MAGI1: variants seen among roughly 807,000 people sequenced by gnomAD.
MAGI1 encodes the protein membrane associated guanylate kinase, WW and PDZ domain containing 1.
Under a neutral mutation model 139.9 loss-of-function variants are expected in MAGI1, and 58 were observed. The ratio of observed to expected loss-of-function variants is 0.41; its 90% CI spans 0.34 to 0.52. MAGI1 has a LOEUF of 0.52. Among genes scored for constraint, MAGI1 ranks in the 20% least tolerant of loss-of-function variants. MAGI1 has a pLI of 0.12. For missense variants in MAGI1, 1,874 were observed against 1,901.6 expected (o/e 0.99, Z 0.27); for synonymous variants, 812 against 737.9 (o/e 1.10, Z -1.63).
intron 1 of MAGI1, among the ~76,000 whole-genome samples, chr3:66,013,544 G>A (rs1304044976): frequency 3.3e-5 from 5 of 151,738 alleles, no homozygotes; most frequent in African/African-American, 1.2e-4. Flanking sequence ...GGCGGATCAC[G>A]AGATCAGGAG....
intron 1 of MAGI1, among the ~76,000 whole-genome samples, chr3:65,977,412 T>C (rs1417639519): frequency 1.3e-5 from 2 of 152,066 alleles, no homozygotes; most frequent in East Asian, 1.9e-4. Flanking sequence ...GCCACCCTTA[T>C]AATAAAATCA....
chr3:65,793,398 T>G (rs79915733), intron 1 of MAGI1, among the ~76,000 whole-genome samples: 4,995 of 152,330 alleles, frequency 0.033, 94 homozygotes, highest in Non-Finnish European at 0.043. Context: ...ATTAAACCAA[T>G]TACTTTCCAC....
chr3:65,437,289 G>T, intron 9 of MAGI1, 42 bp from the exon 10 acceptor site: 1 of 1,271,620 alleles, frequency 7.9e-7, no homozygotes, highest in Non-Finnish European at 1.1e-6. Context: ...TCCTTCAAAT[G>T]GCTCATTGAG....
At chr3:65,687,915 A>G (rs540999399) in intron 1 of MAGI1, 1 of 672,524 alleles carries the variant, frequency 1.5e-6, no homozygotes, top group African/African-American at 1.8e-5. Context: ...CTTAGCAGCC[A>G]TTCGGCATGC....
At chr3:65,981,620 C>T (rs1345770050) in intron 1 of MAGI1, among the ~76,000 whole-genome samples, 1 of 152,142 alleles carries the variant, frequency 6.6e-6, no homozygotes, top group African/African-American at 2.4e-5. Flanking sequence ...TTGTAGCTCC[C>T]ATAATTCCCA....
intron 2 of MAGI1, among the ~76,000 whole-genome samples, chr3:65,595,105 C>A (rs949372900): frequency 6.6e-6 from 1 of 152,150 alleles, no homozygotes; most frequent in South Asian, 2.1e-4. Flanking sequence ...ATATGGAGAT[C>A]TTATTCTCTC....
At chr3:65,766,274 T>C (rs931353693) in intron 1 of MAGI1, among the ~76,000 whole-genome samples, 1 of 152,200 alleles carries the variant, frequency 6.6e-6, no homozygotes, top group African/African-American at 2.4e-5. Flanking sequence ...CAATGTAGTA[T>C]GTTATATAGA....
At chr3:65,524,898 C>A (rs1281654690) in intron 2 of MAGI1, among the ~76,000 whole-genome samples, 1 of 152,068 alleles carries the variant, frequency 6.6e-6, no homozygotes, top group Non-Finnish European at 1.5e-5. Flanking sequence ...AGGTCCCAAC[C>A]CAGCCCATTA....
At chr3:65,447,558 TA>T (rs1325557738) in intron 7 of MAGI1, among the ~76,000 whole-genome samples, 1 of 152,262 alleles carries the variant, frequency 6.6e-6, no homozygotes. Flanking sequence ...GACCTTCTTT[TA>T]TTGCAAGTGC....
intron 1 of MAGI1, among the ~76,000 whole-genome samples, chr3:65,897,686 C>T (rs1429929797): frequency 6.6e-6 from 1 of 151,666 alleles, no homozygotes; most frequent in African/African-American, 2.4e-5. Context: ...AAAAAAGAAC[C>T]TGTCTCCACA....
chr3:65,883,431 G>T (rs2108537206), intron 1 of MAGI1, among the ~76,000 whole-genome samples: 1 of 152,258 alleles, frequency 6.6e-6, no homozygotes, highest in Admixed American at 6.5e-5. Context: ...AACAGGGTGG[G>T]TCACAGTAAG....
chr3:65,832,058 C>T (rs2042560871), intron 1 of MAGI1, among the ~76,000 whole-genome samples: 1 of 152,182 alleles, frequency 6.6e-6, no homozygotes, highest in African/African-American at 2.4e-5. Context: ...TTCAAGAGTG[C>T]CTTTTGGTCT....
At position 65,379,407 on chromosome 3, in the gene MAGI1, C is replaced by T. The variant is rs1942850384; in HGVS notation, c.2849G>A (p.Gly950Asp). ...TVSSGSGSTS[G>D]IGSGGGGGSG... is the part of the protein sequence containing the mutation. ...GCCCCCGCCGCCGCCACTGCCGATGCCGCTGGTGCTGCCGCTGCCCGAGCT... is the reference window on the plus strand; with the variant it reads ...GCCCCCGCCGCCGCCACTGCCGATGTCGCTGGTGCTGCCGCTGCCCGAGCT... The change falls in exon 17 of 23, where the codon GGC (glycine) becomes GAC (aspartate). Residue 950 changes from glycine to aspartate, a missense_variant. Gly to Asp is a moderately conservative substitution (Grantham distance 94, BLOSUM62 -1). Around this residue, in one of 5 missense-constraint regions of MAGI1, gnomAD observed 482 missense variants for 509.6 expected, o/e 0.95. Transcript: ENST00000402939. The T allele has an allele frequency of 8.7e-6, 14 of 1,613,236 alleles. No homozygotes were observed. Among genetic ancestry groups the T allele is most frequent in the Non-Finnish European group, 1.2e-5 (14 of 1,179,460 alleles).
chr3:65,395,876 G>A (rs532959680), intron 13 of MAGI1, among the ~76,000 whole-genome samples: 92 of 151,940 alleles, frequency 6.1e-4, no homozygotes, highest in Non-Finnish European at 9.7e-4. Flanking sequence ...GTTTGGTGTC[G>A]CTACTGGGTG....
intron 1 of MAGI1, among the ~76,000 whole-genome samples, chr3:65,908,049 T>G (rs1287258054): frequency 6.6e-6 from 1 of 152,016 alleles, no homozygotes; most frequent in Non-Finnish European, 1.5e-5. Flanking sequence ...TAAAAAAGAA[T>G]CAAAGTTAAC....
intron 1 of MAGI1, among the ~76,000 whole-genome samples, chr3:65,938,023 G>A (rs1210976250): frequency 2.6e-5 from 4 of 151,970 alleles, no homozygotes; most frequent in Non-Finnish European, 4.4e-5. Flanking sequence ...CAGATAACTT[G>A]ACCTTAAAAA....
chr3:65,833,284 A>C (rs761277647), intron 1 of MAGI1, among the ~76,000 whole-genome samples: 8 of 152,020 alleles, frequency 5.3e-5, no homozygotes, highest in Admixed American at 2.6e-4. Flanking sequence ...ACGCTCAGCT[A>C]ATTTTTGTAG....
intron 1 of MAGI1, among the ~76,000 whole-genome samples, chr3:65,674,059 C>T (rs1281957718): frequency 3.3e-5 from 5 of 152,064 alleles, no homozygotes; most frequent in Non-Finnish European, 7.4e-5. Flanking sequence ...GGGAACACAG[C>T]GAGACTCCAT....
intron 15 of MAGI1, 152 bp from the exon 16 acceptor site, chr3:65,382,221 G>T: frequency 1.7e-6 from 1 of 583,696 alleles, no homozygotes; most frequent in African/African-American, 1.9e-5. Context: ...AAGACATTGT[G>T]CTAAGCACTG....
Sources: allele counts gnomAD v4.1 joint callset (sites outside exome capture counted in the v4.1 genomes callset), GRCh38; gene constraint gnomAD v4.1.1; regional missense constraint gnomAD v4.1.1; transcripts MANE v1.5; gene names NCBI Gene and HGNC (gene_info 2026-07-23, HGNC 2026-07-21).